The following AFF3 variants were observed in gnomAD, a reference collection of about 807,000 sequenced individuals.
AFF3 encodes the protein AF4/FMR2 family member 3.
In AFF3, 32 loss-of-function variants were observed where a neutral mutation model predicts 129.7. The ratio of observed to expected loss-of-function variants is 0.25; its 90% CI spans 0.19 to 0.33. AFF3 has a LOEUF of 0.33. Among genes scored for constraint, AFF3 ranks in the 10% least tolerant of loss-of-function variants. The probability of loss-of-function intolerance (pLI) is 1.00; values close to 1 mark genes in which losing one functional copy is unlikely to be tolerated. For synonymous variants in AFF3, 644 were observed against 635.4 expected (o/e 1.01, Z -0.20); for missense variants, 1,373 against 1,592.0 (o/e 0.86, Z 2.34).
At chr2:99,659,216 G>C (rs1429674045) in intron 12 of AFF3, among the ~76,000 whole-genome samples, 1 of 152,190 alleles carries the variant, frequency 6.6e-6, no homozygotes, top group African/African-American at 2.4e-5. Context: ...AAGCTCAGCT[G>C]CCTGTTCTCA....
chr2:100,104,764 TCCCCTCCCTCGCGGCGGC>T, intron 3 of AFF3: 1 of 781,418 alleles, frequency 1.3e-6, no homozygotes, highest in Non-Finnish European at 1.4e-6. Flanking sequence ...CCGCCCCTCC[TCCCCTCCCTCGCGGCGGC>T]CCGGCCCGCT....
intron 7 of AFF3, among the ~76,000 whole-genome samples, chr2:99,905,192 C>T (rs968385189): frequency 4.6e-5 from 7 of 152,188 alleles, no homozygotes; most frequent in African/African-American, 1.2e-4. Context: ...TGATGGCGCA[C>T]GTCTGTTCTG....
In AFF3 at chr2:100,016,049, T is replaced by C. The variant is rs573102311; in HGVS notation, c.54-7117A>G. ...GTGGTGGTGGTGGTGATGGTGATGA[T>C]TGTGATAATGGTGGTGATGACAGTG... On this transcript the variant is annotated intron_variant, in intron 4 of 24. Coordinates refer to ENST00000672756, the MANE Select transcript of AFF3 (RefSeq NM_001386135.1). 1.8e-4 allele frequency among the ~76,000 whole-genome samples: 27 copies of C among 150,440 alleles called. No individual in the cohort carries two copies. In the South Asian group the frequency reaches 5.5e-3, roughly 31 times the overall value.
At chr2:99,807,005 G>A (rs564985991) in intron 8 of AFF3, among the ~76,000 whole-genome samples, 1 of 152,310 alleles carries the variant, frequency 6.6e-6, no homozygotes, top group East Asian at 1.9e-4. Flanking sequence ...TGAGGCTTTT[G>A]CAGAACTGGG....
intron 8 of AFF3, among the ~76,000 whole-genome samples, chr2:99,780,642 C>A (rs140244395): frequency 1.8e-4 from 28 of 152,294 alleles, no homozygotes; most frequent in African/African-American, 5.5e-4. Context: ...CGAGTTCCAC[C>A]ACAAACCTGC....
chr2:100,116,016 C>T (rs1691721098), intron 2 of AFF3, among the ~76,000 whole-genome samples: 1 of 151,982 alleles, frequency 6.6e-6, no homozygotes, highest in Non-Finnish European at 1.5e-5. Flanking sequence ...TATTTGAAAT[C>T]ATGCTATTAT....
At chr2:99,949,920 T>C (rs1439146430) in intron 7 of AFF3, among the ~76,000 whole-genome samples, 1 of 152,238 alleles carries the variant, frequency 6.6e-6, no homozygotes. Flanking sequence ...ATGTTCTAAA[T>C]ACTCATAACT....
At chr2:100,107,612 AC>A in intron 2 of AFF3, 1 of 657,048 alleles carries the variant, frequency 1.5e-6, no homozygotes, top group Non-Finnish European at 1.9e-6. Context: ...GCTGAATCAA[AC>A]CACCCAGCTA....
intron 4 of AFF3, among the ~76,000 whole-genome samples, chr2:100,083,814 G>C (rs1323115597): frequency 2.0e-5 from 3 of 152,058 alleles, no homozygotes; most frequent in African/African-American, 7.2e-5. Flanking sequence ...AAGAATGGAG[G>C]GGGTGGTGGA....
chr2:99,714,098 T>C (rs1287080892), intron 11 of AFF3, among the ~76,000 whole-genome samples: 2 of 152,210 alleles, frequency 1.3e-5, no homozygotes, highest in East Asian at 1.9e-4. Context: ...GCAGTCTTTT[T>C]CTATGATGGT....
chr2:99,615,423 TC>T (rs905915260), intron 13 of AFF3, among the ~76,000 whole-genome samples: 7 of 152,174 alleles, frequency 4.6e-5, no homozygotes. Context: ...ACAACTCGCC[TC>T]CCCACTTTCA....
intron 7 of AFF3, among the ~76,000 whole-genome samples, chr2:99,962,121 C>T (rs746360108): frequency 3.9e-5 from 6 of 152,148 alleles, no homozygotes; most frequent in African/African-American, 2.4e-5. Flanking sequence ...TATCCATTTC[C>T]TTCTTATAGG....
At chr2:99,701,781 C>T (rs1676887382) in intron 11 of AFF3, among the ~76,000 whole-genome samples, 1 of 152,250 alleles carries the variant, frequency 6.6e-6, no homozygotes, top group Non-Finnish European at 1.5e-5. Context: ...ACCACACCAT[C>T]ACCACAAACG....
chr2:99,622,008 CT>C (rs1682070793), intron 13 of AFF3, among the ~76,000 whole-genome samples: 1 of 152,130 alleles, frequency 6.6e-6, no homozygotes, highest in Non-Finnish European at 1.5e-5. Flanking sequence ...AGGAAGAGAG[CT>C]GAAAAAACAG....
chr2:99,979,779 G>A (rs1166175545), intron 7 of AFF3, among the ~76,000 whole-genome samples: 2 of 152,030 alleles, frequency 1.3e-5, no homozygotes, highest in Admixed American at 6.6e-5. Flanking sequence ...CACTGCACCC[G>A]GCCTATTCTG....
At chr2:99,957,743 G>T (rs1676803121) in intron 7 of AFF3, among the ~76,000 whole-genome samples, 1 of 152,166 alleles carries the variant, frequency 6.6e-6, no homozygotes, top group South Asian at 2.1e-4. Flanking sequence ...TTTTAGAGGG[G>T]AGTTCACTGA....
intron 2 of AFF3, chr2:100,106,911 G>A (rs1308554392): frequency 2.3e-5 from 23 of 985,332 alleles, no homozygotes; most frequent in Non-Finnish European, 2.8e-5. Context: ...AGCTGGTTGA[G>A]GGGTTTACTC....
At chr2:99,992,496 T>C (rs1680446277) in intron 7 of AFF3, among the ~76,000 whole-genome samples, 1 of 152,256 alleles carries the variant, frequency 6.6e-6, no homozygotes, top group South Asian at 2.1e-4. Context: ...CAAATTTATA[T>C]ACTTTGTAGC....
At chr2:100,125,501 C>T (rs537558067) in intron 2 of AFF3, among the ~76,000 whole-genome samples, 3 of 152,020 alleles carry the variant, frequency 2.0e-5, no homozygotes, top group African/African-American at 4.8e-5. Flanking sequence ...GGTTGGGTGC[C>T]GGGAATACCT....
Sources: gnomAD v4.1 joint callset for allele counts (sites outside exome capture counted in the v4.1 genomes callset) on GRCh38, gnomAD v4.1.1 for gene constraint, MANE v1.5 for transcripts, NCBI Gene and HGNC (gene_info 2026-07-23, HGNC 2026-07-21) for gene names.